The following ATG7 variants were observed in gnomAD, a reference collection of about 807,000 sequenced individuals.
ATG7 encodes ubiquitin-like modifier-activating enzyme ATG7.
In ATG7, 70 loss-of-function variants were observed where a neutral mutation model predicts 82.4. The ratio of observed to expected loss-of-function variants is 0.85; its 90% CI spans 0.70 to 1.04. ATG7 has a LOEUF of 1.04. Among genes scored for constraint, ATG7 ranks in the 50% least tolerant of loss-of-function variants. The probability of loss-of-function intolerance (pLI) is 0.00; values close to 1 mark genes in which losing one functional copy is unlikely to be tolerated. For synonymous variants in ATG7, 287 were observed against 313.0 expected (o/e 0.92, Z 0.88); for missense variants, 792 against 864.3 (o/e 0.92, Z 1.05).
intron 20 of ATG7, among the ~76,000 whole-genome samples, chr3:11,440,674 CTTTTTTTTTTTTTTTT>C (rs72177700): frequency 2.5e-5 from 1 of 39,484 alleles, no homozygotes; most frequent in South Asian, 1.6e-3. Flanking sequence ...TCCCCATTTG[CTTTTTTTTTTTTTTTT>C]TTTTTTTTTT....
Position 11,451,843 on chromosome 3 carries a change from CTCTCTA to C in ATG7, c.2079+24919_2079+24924del, listed in dbSNP as rs2085190047. 8.0e-5 allele frequency among the ~76,000 whole-genome samples: 12 copies of C among 149,964 alleles called. No individual in the cohort carries two copies. In the South Asian group the frequency reaches 2.6e-3, roughly 32 times the overall value. On this transcript the variant is annotated intron_variant, in intron 20 of 20. Coordinates refer to ENST00000693202, the MANE Select transcript of ATG7 (RefSeq NM_001349232.2). ...GGCTGCCCTGTCTCTCTCTATCTCT[CTCTCTA>C]TATATATATACGCCTTTACATACAC...
chr3:11,327,219 A>G lies in ATG7; in HGVS notation c.679-4121A>G, dbSNP rs955240020. Among the ~76,000 whole-genome samples the G allele has an allele frequency of 2.0e-5, 3 of 152,260 alleles. 1 individual carries two copies. The highest frequency in any genetic ancestry group is 7.2e-5 in the African/African-American group (3 of 41,468). On this transcript the variant is annotated intron_variant, in intron 9 of 20. Transcript: ENST00000693202. ...TGCTCTTGCCTTCACAGAGAGTTAT[A>G]AACCAGCAAGACATCAAATATAACA...
At chr3:11,574,672 G>A in the ATG7 span, among the ~76,000 whole-genome samples, 1 of 152,178 alleles carries the variant, frequency 6.6e-6, no homozygotes, top group African/African-American at 2.4e-5. Flanking sequence ...ACAAAGAAAC[G>A]ATTAATGTTT....
At chr3:11,316,531 A>T (rs1338074992) in intron 9 of ATG7, among the ~76,000 whole-genome samples, 1 of 152,150 alleles carries the variant, frequency 6.6e-6, no homozygotes, top group Non-Finnish European at 1.5e-5. Context: ...ATCTATCCCT[A>T]TCTGAAGTCA....
At chr3:11,284,849 C>CTTTT (rs34240225) in intron 3 of ATG7, among the ~76,000 whole-genome samples, 1 of 113,802 alleles carries the variant, frequency 8.8e-6, no homozygotes, top group Non-Finnish European at 1.8e-5. Flanking sequence ...TGTGCCTGGC[C>CTTTT]TTTTTTTTTT....
intron 9 of ATG7, among the ~76,000 whole-genome samples, chr3:11,328,561 G>T (rs2152749075): frequency 6.6e-6 from 1 of 152,250 alleles, no homozygotes; most frequent in South Asian, 2.1e-4. Context: ...AACGGAAAAG[G>T]TAGCAAATAT....
chr3:11,522,176 A>C (rs960646929), intron 20 of ATG7, among the ~76,000 whole-genome samples: 1 of 152,042 alleles, frequency 6.6e-6, no homozygotes. Context: ...TTGGGAGGAG[A>C]ATTGTATGCC....
intron 18 of ATG7, among the ~76,000 whole-genome samples, chr3:11,366,413 G>A (rs1178280328): frequency 6.6e-6 from 1 of 151,710 alleles, no homozygotes. Context: ...TTTTTGACAT[G>A]CATGTGTTAA....
In ATG7 at chr3:11,555,050, T is replaced by C. The variant is rs780126934; in HGVS notation, c.*207T>C. ...ATACCACCAGTTCAGAGCTAAATAA[T>C]AACCTTGGCCTTGGCCTTGCTATTG... On this transcript the variant is annotated 3_prime_UTR_variant, in exon 21 of 21. Coordinates refer to ENST00000693202, the MANE Select transcript of ATG7 (RefSeq NM_001349232.2). The C allele has an allele frequency of 8.2e-6, 5 of 606,142 alleles. No homozygotes were observed. The highest frequency in any genetic ancestry group is 2.3e-5 in the South Asian group (1 of 43,948). The allele number at this position is 606,142 out of a possible 1,614,324, so 37.5% of individuals were successfully genotyped here. A position where few individuals can be genotyped will look rare whatever the true frequency, so the allele number is the denominator to read the frequency against.
At chr3:11,307,762 A>C (rs142622815) in intron 6 of ATG7, among the ~76,000 whole-genome samples, 85 of 152,342 alleles carry the variant, frequency 5.6e-4, no homozygotes, top group South Asian at 1.7e-3. Context: ...AATCCTGTCT[A>C]ACCGCTGTAA....
At chr3:11,564,609 ACTC>A in the ATG7 span, among the ~76,000 whole-genome samples, 3 of 149,370 alleles carry the variant, frequency 2.0e-5, no homozygotes, top group Non-Finnish European at 4.5e-5. Context: ...GCAGAAGAGG[ACTC>A]CTGTTCTGCT....
intron 19 of ATG7, among the ~76,000 whole-genome samples, chr3:11,409,212 T>A (rs2080654543): frequency 6.6e-6 from 1 of 152,220 alleles, no homozygotes. Context: ...ACTTACAATT[T>A]TTCAATTTAC....
At chr3:11,387,991 A>G (rs1023025375) in intron 19 of ATG7, among the ~76,000 whole-genome samples, 1 of 152,110 alleles carries the variant, frequency 6.6e-6, no homozygotes, top group African/African-American at 2.4e-5. Flanking sequence ...AGTTTTACAG[A>G]CAATTTCAGA....
intron 1 of ATG7, among the ~76,000 whole-genome samples, chr3:11,274,461 C>T (rs1941264655): frequency 1.3e-5 from 2 of 152,036 alleles, no homozygotes; most frequent in Non-Finnish European, 2.9e-5. Flanking sequence ...GAAGGACGAA[C>T]GAGATCTGAC....
chr3:11,553,244 C>A (rs370010186), intron 20 of ATG7, among the ~76,000 whole-genome samples: 2 of 151,102 alleles, frequency 1.3e-5, no homozygotes, highest in African/African-American at 4.9e-5. Context: ...AATTGCCTTA[C>A]CTCTCTGGGC....
intron 20 of ATG7, among the ~76,000 whole-genome samples, chr3:11,458,464 C>G (rs1459658053): frequency 6.6e-6 from 1 of 152,206 alleles, no homozygotes; most frequent in East Asian, 1.9e-4. Context: ...TGGGTTTCAC[C>G]GTGTTAGCCA....
chr3:11,373,946 T>A (rs2077210477), intron 18 of ATG7, among the ~76,000 whole-genome samples: 1 of 152,244 alleles, frequency 6.6e-6, no homozygotes, highest in Non-Finnish European at 1.5e-5. Flanking sequence ...TTGTAAGCTT[T>A]GGGTTTTTGT....
At chr3:11,327,929 G>T (rs1951104964) in intron 9 of ATG7, among the ~76,000 whole-genome samples, 1 of 152,232 alleles carries the variant, frequency 6.6e-6, no homozygotes, top group African/African-American at 2.4e-5. Flanking sequence ...GATGCATGCT[G>T]CTGGGGCATG....
intron 20 of ATG7, among the ~76,000 whole-genome samples, chr3:11,461,350 TAA>T (rs2086280096): frequency 6.6e-6 from 1 of 152,184 alleles, no homozygotes; most frequent in Non-Finnish European, 1.5e-5. Flanking sequence ...AAACCAAAGA[TAA>T]AGTCACTTTG....
Sources: allele counts gnomAD v4.1 joint callset (sites outside exome capture counted in the v4.1 genomes callset), GRCh38; gene constraint gnomAD v4.1.1; transcripts MANE v1.5; gene names NCBI Gene and HGNC (gene_info 2026-07-23, HGNC 2026-07-21).